Variants in TTN observed in about 807,000 individuals in gnomAD.
The protein encoded by TTN is connectin.
A neutral mutation model predicts 3,223.0 loss-of-function variants in TTN; 1,525 were observed. That is an observed-to-expected ratio of 0.47 (90% CI 0.45 to 0.49). TTN has a LOEUF of 0.49. Ranked by LOEUF, TTN falls within the 20% of genes least tolerant of loss-of-function variation. TTN has a pLI of 0.00. For synonymous variants in TTN, 14,094 were observed against 15,161.0 expected (o/e 0.93, Z 5.17); for missense variants, 40,786 against 43,424.0 (o/e 0.94, Z 5.40).
chr2:178,616,555 G>C lies in TTN; in HGVS notation c.48236C>G (p.Pro16079Arg). 1 of 1,612,310 alleles carries C rather than the reference G, an allele frequency of 6.2e-7. No individual in the cohort carries two copies. The highest frequency in any genetic ancestry group is 8.5e-7 in the Non-Finnish European group (1 of 1,178,962). ...KDSVHLTWEPPDDDGGSPLTG... is the reference protein window; with the variant it reads ...KDSVHLTWEPRDDDGGSPLTG... ...TAACGGACTTCCTCCATCATCATCA[G>C]GTGGTTCCCAAGTCAAATGTACTGA... Residue 16079 changes from proline (P) to arginine (R), a missense_variant, in exon 257 of 363, where the codon CCT (proline) becomes CGT (arginine). Coordinates refer to ENST00000589042, the MANE Select transcript of TTN (RefSeq NM_001267550.2).
At chr2:178,746,176 A>T in intron 47 of TTN, 2 of 1,613,326 alleles carry the variant, frequency 1.2e-6, no homozygotes, top group Middle Eastern at 1.7e-4. Context: ...TAACTTCGGG[A>T]GTCGGGATCC....
rs745453087 is a variant in TTN, at chr2:178,683,992, A to G, written c.32806+7T>C. On this transcript the variant is annotated splice_region_variant and intron_variant, in intron 133 of 362. Coordinates refer to ENST00000589042, the MANE Select transcript of TTN (RefSeq NM_001267550.2). ...GATTTTTTTTTTTTTTTTAAGAGTC[A>G]GTATACCTTTAGCTGGTGGTTCCTC... 4 of 1,555,806 alleles carry G rather than the reference A, an allele frequency of 2.6e-6. No homozygotes were observed. The highest frequency in any genetic ancestry group is 3.5e-6 in the Non-Finnish European group (4 of 1,154,722).
At position 178,679,692 on chromosome 2, in the gene TTN, T is replaced by A. The variant is rs770595868; in HGVS notation, c.33581-10A>T. ...CTGGGTACCTCAGGCACTTTAAAGATATTATTAAGAATGTTGGAAATTTTG... is the reference window on the plus strand; with the variant it reads ...CTGGGTACCTCAGGCACTTTAAAGAAATTATTAAGAATGTTGGAAATTTTG... On this transcript the variant is annotated splice_polypyrimidine_tract_variant and intron_variant, in intron 140 of 362. Transcript: ENST00000589042. 1 of 1,601,348 alleles carries A rather than the reference T, an allele frequency of 6.2e-7. No homozygotes were observed.
intron 153 of TTN, 59 bp from the exon 154 acceptor site, chr2:178,672,540 A>G: frequency 6.2e-7 from 1 of 1,602,400 alleles, no homozygotes; most frequent in Non-Finnish European, 8.5e-7. Flanking sequence ...ATAGACAAAA[A>G]TCATCAAAAA....
At chr2:178,761,160 T>C (rs925898686) in intron 43 of TTN, 1 of 152,300 alleles carries the variant, frequency 6.6e-6, no homozygotes, top group African/African-American at 2.4e-5. Flanking sequence ...CCCACTTGTC[T>C]CTCCTGACTG....
In TTN at chr2:178,552,629, T is replaced by C; in HGVS notation, c.90271A>G (p.Ser30091Gly). ...AGGACTGACTGCTCCTTAAGTTGGCTAACCTCAATTTCACATGTCTTACTT... is the reference window on the plus strand; with the variant it reads ...AGGACTGACTGCTCCTTAAGTTGGCCAACCTCAATTTCACATGTCTTACTT... ...GISKTCEIEV[S>G]QLKEQSVLEF... The change falls in exon 335 of 363, where the codon AGC becomes GGC. Residue 30091 changes from serine to glycine, a missense_variant. Transcript: ENST00000589042. 1.2e-6 allele frequency: 2 copies of C among 1,613,930 alleles called. No individual in the cohort carries two copies. Among genetic ancestry groups the C allele is most frequent in the East Asian group, 2.2e-5 (1 of 44,856 alleles).
intron 227 of TTN, 25 bp downstream of exon 227, chr2:178,635,415 T>G: frequency 6.2e-7 from 1 of 1,602,184 alleles, no homozygotes; most frequent in Non-Finnish European, 8.5e-7. Context: ...AACTTATAAT[T>G]TGAATAAAAG....
rs751429196 is a variant in TTN, at chr2:178,740,989, C to G, written c.12244G>C (p.Ala4082Pro). 9 of 1,613,948 alleles carry G rather than the reference C, an allele frequency of 5.6e-6. No individual in the cohort carries two copies. In the South Asian group the frequency reaches 7.7e-5, roughly 14 times the overall value. Residue 4082 changes from alanine (A) to proline (P), a missense_variant, in exon 48 of 363, where the codon GCT becomes CCT. Physicochemically the swap from Ala to Pro is conservative, Grantham distance 27. Coordinates refer to ENST00000589042, the MANE Select transcript of TTN (RefSeq NM_001267550.2). The part of the protein sequence containing the change: ...ATFVKDTILK[A>P]ALITEENQQL... ...TGGTTTTCTTCTGTAATTAAAGCAG[C>G]TTTCAAAATGGTGTCTTTTACAAAC...
In TTN at chr2:178,712,358, A is replaced by T; in HGVS notation, c.27564T>A (p.Asn9188Lys). 6.2e-7 allele frequency: 1 copy of T among 1,613,824 alleles called. No individual in the cohort carries two copies. Among genetic ancestry groups the T allele is most frequent in the Non-Finnish European group, 8.5e-7 (1 of 1,179,800 alleles). ...DAGQYNCYIE[N>K]ASGKDSCSAQ... is the part of the protein sequence containing the mutation. ...CTGAACAGGAATCTTTTCCAGAGGC[A>T]TTTTCAATGTAGCAGTTGTATTGTC... is the stretch of plus-strand genomic sequence containing the variant. Residue 9188 changes from asparagine (N) to lysine (K), a missense_variant, in exon 95 of 363, where the codon AAT (asparagine) becomes AAA (lysine). Transcript: ENST00000589042.
At chr2:178,715,904 A>G in intron 88 of TTN, 130 bp from the exon 89 acceptor site, 2 of 853,600 alleles carry the variant, frequency 2.3e-6, no homozygotes, top group Non-Finnish European at 3.4e-6. Context: ...CAGTTCAAGG[A>G]AGAAGAGTTA....
At position 178,678,728 on chromosome 2, in the gene TTN, A is replaced by G. The variant is rs2068655840; in HGVS notation, c.33826+19T>C. The G allele has an allele frequency of 1.3e-6, 2 of 1,598,174 alleles. No individual in the cohort carries two copies. The highest frequency in any genetic ancestry group is 2.7e-5 in the African/African-American group (2 of 73,994). ...GCAAATGTGAAATAAAAATATTGCA[A>G]CATTGCAAGTTCATGTACCTTTGGC... is the stretch of plus-strand genomic sequence containing the variant. On this transcript the variant is annotated intron_variant, in intron 143 of 362. Coordinates refer to ENST00000589042, the MANE Select transcript of TTN (RefSeq NM_001267550.2).
At chr2:178,610,422 C>T in intron 270 of TTN, 33 bp from the exon 271 acceptor site, 1 of 1,596,200 alleles carries the variant, frequency 6.3e-7, no homozygotes, top group Non-Finnish European at 8.5e-7. Context: ...TTCTAGTAAT[C>T]CTGAAAAATC....
In TTN at chr2:178,584,256, A is replaced by AAT. The variant is rs2048443231; in HGVS notation, c.65275+19_65275+20insAT. 2.6e-6 allele frequency: 4 copies of AAT among 1,530,914 alleles called. No homozygotes were observed. Among genetic ancestry groups the AAT allele is most frequent in the South Asian group, 1.3e-5 (1 of 75,832 alleles). 94.8% of individuals were successfully genotyped at this position (1,530,914 alleles called of 1,614,324 possible). A position where few individuals can be genotyped will look rare whatever the true frequency, so the allele number is the denominator to read the frequency against. On this transcript the variant is annotated intron_variant, in intron 311 of 362. Coordinates refer to ENST00000589042, the MANE Select transcript of TTN (RefSeq NM_001267550.2). ...ATAATACTAAAACAACAACAACAAT[A>AAT]AAAAAACCCCAAAACTTACCAACTG...
chr2:178,639,989 T>A (rs748375487), intron 222 of TTN, 59 bp downstream of exon 222: 100 of 1,576,638 alleles, frequency 6.3e-5, no homozygotes, highest in Non-Finnish European at 8.7e-5. Flanking sequence ...ATTAAGTACA[T>A]GTTATGTGTG....
intron 330 of TTN, 184 bp from the exon 331 acceptor site, chr2:178,555,336 GGTAGAAAGACTGTGA>G (rs1353904023): frequency 1.7e-6 from 1 of 594,868 alleles, no homozygotes; most frequent in Non-Finnish European, 2.8e-6. Flanking sequence ...TCTCAGATGG[GGTAGAAAGACTGTGA>G]GTTGTGCAGG....
Position 178,546,824 on chromosome 2 carries a change from C to A in TTN, c.94604G>T (p.Gly31535Val), listed in dbSNP as rs200302364. Residue 31535 changes from glycine to valine, a missense_variant, in exon 341 of 363, where the codon GGC (glycine) becomes GTC (valine). Physicochemically the swap from Gly to Val is moderately radical, Grantham distance 109. Coordinates refer to ENST00000589042, the MANE Select transcript of TTN (RefSeq NM_001267550.2). ...TATGATGTAGCCCACAACCTTGCTG[C>A]CTCCATCATACGCTGGGGCAGACCA... ...LIWSAPAYDG[G>V]SKVVGYIIER... 10 of 1,611,068 alleles carry A rather than the reference C, an allele frequency of 6.2e-6. No homozygotes were observed. The African/African-American group carries it at 1.2e-4, about 19-fold the overall frequency.
At chr2:178,788,549 T>C (rs933224776) in intron 13 of TTN, among the ~76,000 whole-genome samples, 1 of 152,050 alleles carries the variant, frequency 6.6e-6, no homozygotes, top group Non-Finnish European at 1.5e-5. Context: ...AAAATGACAC[T>C]GAGGGAAATA....
Position 178,739,231 on chromosome 2 carries a change from T to C in TTN, c.14002A>G (p.Thr4668Ala), listed in dbSNP as rs758920941. 33 of 1,586,314 alleles carry C rather than the reference T, an allele frequency of 2.1e-5. No homozygotes were observed. The highest frequency in any genetic ancestry group is 2.5e-5 in the Non-Finnish European group (29 of 1,163,346). ...TYTLVIDKVN[T>A]EDHQGEYVCE... ...ACATACTCTCCTTGATGGTCTTCGG[T>C]ATTTACTTTGTCGATGACTAGCGTA... is the stretch of plus-strand genomic sequence containing the variant. Residue 4668 changes from threonine (T) to alanine (A), a missense_variant, in exon 48 of 363, where the codon ACC (threonine) becomes GCC (alanine). Coordinates refer to ENST00000589042, the MANE Select transcript of TTN (RefSeq NM_001267550.2).
rs766028032 is a variant in TTN at position 178,561,886 on chromosome 2, A to G, written c.84246T>C (p.Asp28082=). 7 of 1,613,534 alleles carry G rather than the reference A, an allele frequency of 4.3e-6. No homozygotes were observed. Among genetic ancestry groups the G allele is most frequent in the Non-Finnish European group, 4.2e-6 (5 of 1,179,740 alleles). Reference sequence around the variant, plus strand: ...TGTAATTGCTAATTTGGCAGCCACCATCATATTCTGGAGGATTCCAAGAAA... The same window carrying G: ...TGTAATTGCTAATTTGGCAGCCACCGTCATATTCTGGAGGATTCCAAGAAA... The part of the protein sequence containing the change: ...ITISWNPPEY[D]GGCQISNYIV... Residue 28082 remains aspartate (D), a synonymous_variant, in exon 326 of 363, where the codon GAT becomes GAC. Transcript: ENST00000589042.
Sources: allele counts gnomAD v4.1 joint callset (sites outside exome capture counted in the v4.1 genomes callset), GRCh38; gene constraint gnomAD v4.1.1; transcripts MANE v1.5; gene names NCBI Gene and HGNC (gene_info 2026-07-23, HGNC 2026-07-21).